The following CAMTA1 variants were observed in gnomAD, a reference collection of about 807,000 sequenced individuals.
CAMTA1 encodes the protein calmodulin binding transcription activator 1.
CAMTA1 carries 27 observed loss-of-function variants against 170.9 expected under a neutral mutation model. The observed-to-expected ratio is 0.16, with a 90% CI of 0.12 to 0.22. CAMTA1 has a LOEUF of 0.22. Among genes scored for constraint, CAMTA1 ranks in the 10% least tolerant of loss-of-function variants. The pLI is 1.00. For missense variants in CAMTA1, 1,619 were observed against 2,217.2 expected (o/e 0.73, Z 5.42); for synonymous variants, 833 against 891.5 (o/e 0.93, Z 1.17).
At position 7,663,576 on chromosome 1, in the gene CAMTA1, C is replaced by A. The variant is rs2095979472; in HGVS notation, c.1029C>A (p.Val343=). 6.2e-7 allele frequency: 1 copy of A among 1,613,698 alleles called. No individual in the cohort carries two copies. The highest frequency in any genetic ancestry group is 1.1e-5 in the South Asian group (1 of 91,086). The change falls in exon 9 of 23, where the codon GTC becomes GTA. Residue 343 remains valine (V), a synonymous_variant. Transcript: ENST00000303635. ...PVLLHQSSTE[V]SSTNQVEVPD... Reference sequence around the variant, plus strand: ...TCCTGCACCAGAGCAGCACCGAGGTCTCCTCCACCAACCAGGTGGAAGTCC... The same window carrying A: ...TCCTGCACCAGAGCAGCACCGAGGTATCCTCCACCAACCAGGTGGAAGTCC...
rs1272777166 is a variant in CAMTA1, at chr1:7,276,299, ATATATT to A, written c.438+26675_438+26680del. ...TGATCATATATATATATATATATATATATATTTTTTTTTTTTTTTTTTCTTTTTGAG... is the reference window on the plus strand; with the variant it reads ...TGATCATATATATATATATATATATATTTTTTTTTTTTTTTTCTTTTTGAG... On this transcript the variant is annotated intron_variant, in intron 5 of 22. Transcript: ENST00000303635. 7.0e-4 allele frequency among the ~76,000 whole-genome samples: 15 copies of A among 21,398 alleles called. 1 individual carries two copies. 14.0% of individuals were successfully genotyped at this position (21,398 alleles called of 152,430 possible). A position where few individuals can be genotyped will look rare whatever the true frequency, so the allele number is the denominator to read the frequency against.
intron 3 of CAMTA1, among the ~76,000 whole-genome samples, chr1:7,086,869 G>A (rs1640816065): frequency 6.6e-6 from 1 of 152,198 alleles, no homozygotes; most frequent in African/African-American, 2.4e-5. Flanking sequence ...CGATGCTACT[G>A]TGTGCATGTG....
chr1:7,319,985 G>A (rs967176008), intron 5 of CAMTA1, among the ~76,000 whole-genome samples: 2 of 152,100 alleles, frequency 1.3e-5, no homozygotes, highest in African/African-American at 4.8e-5. Context: ...TATTTACCCA[G>A]TCTAATAGCT....
chr1:7,539,452 T>G (rs944027899), intron 6 of CAMTA1, among the ~76,000 whole-genome samples: 2 of 152,236 alleles, frequency 1.3e-5, no homozygotes, highest in African/African-American at 4.8e-5. Context: ...GCCATGTGTT[T>G]CAAGAGAAAG....
At chr1:7,557,033 C>T (rs111991861) in intron 6 of CAMTA1, among the ~76,000 whole-genome samples, 2,751 of 152,144 alleles carry the variant, frequency 0.018, 44 homozygotes, top group Non-Finnish European at 0.031. Context: ...AACAGCCAGG[C>T]GCGGTGGCTC....
At chr1:6,843,830 T>G (rs979216231) in intron 3 of CAMTA1, among the ~76,000 whole-genome samples, 2 of 152,190 alleles carry the variant, frequency 1.3e-5, no homozygotes, top group Non-Finnish European at 2.9e-5. Flanking sequence ...CACAACAGCT[T>G]CAGTATAATT....
chr1:7,640,585 C>T (rs368952524), intron 7 of CAMTA1, 32 bp downstream of exon 7: 29 of 1,613,208 alleles, frequency 1.8e-5, no homozygotes, highest in African/African-American at 4.0e-5. Flanking sequence ...GGCGCCCCCA[C>T]GCTGGGAACC....
chr1:6,846,169 A>C (rs1658044679), intron 3 of CAMTA1, among the ~76,000 whole-genome samples: 1 of 152,238 alleles, frequency 6.6e-6, no homozygotes, highest in Admixed American at 6.5e-5. Flanking sequence ...ACACAGCCAA[A>C]CCATATAAGA....
At position 7,050,054 on chromosome 1, in the gene CAMTA1, T is replaced by C. The variant is rs1470392826; in HGVS notation, c.235-41250T>C. On this transcript the variant is annotated intron_variant, in intron 3 of 22. Coordinates refer to ENST00000303635, the MANE Select transcript of CAMTA1 (RefSeq NM_015215.4). This position sits in a 1 kb window ranked among gnomAD's most constrained non-coding sequence, Gnocchi z 4.8. The stretch of plus-strand genomic sequence containing the variant: ...GGCAAAGACGTTCCCAGGAGGGGAC[T>C]GCAAGCGCGGTGTCCTTGGGGCGGG... 6.6e-6 allele frequency among the ~76,000 whole-genome samples: 1 copy of C among 152,202 alleles called. No individual in the cohort carries two copies. The highest frequency in any genetic ancestry group is 1.5e-5 in the Non-Finnish European group (1 of 68,022).
intron 15 of CAMTA1, 94 bp downstream of exon 15, chr1:7,737,664 T>C (rs1348971927): frequency 1.7e-5 from 21 of 1,212,750 alleles, no homozygotes; most frequent in Non-Finnish European, 2.3e-5. Flanking sequence ...GATAGTCACA[T>C]ACATTTCAGT....
chr1:7,549,632 A>G (rs1312903214), intron 6 of CAMTA1, among the ~76,000 whole-genome samples: 1 of 152,144 alleles, frequency 6.6e-6, no homozygotes, highest in Non-Finnish European at 1.5e-5. Context: ...ATTTTTAAGG[A>G]CCCACTATCA....
At chr1:7,079,652 TA>T (rs1639761111) in intron 3 of CAMTA1, among the ~76,000 whole-genome samples, 1 of 151,282 alleles carries the variant, frequency 6.6e-6, no homozygotes, top group Non-Finnish European at 1.5e-5. Context: ...TTTTTTTTTT[TA>T]AGTAGAAATG....
chr1:7,472,078 G>T (rs1383514688), intron 6 of CAMTA1, among the ~76,000 whole-genome samples: 1 of 152,220 alleles, frequency 6.6e-6, no homozygotes, highest in Non-Finnish European at 1.5e-5. Context: ...GGCTGCCATT[G>T]CCAGGCCGGA....
intron 4 of CAMTA1, among the ~76,000 whole-genome samples, chr1:7,099,105 A>C (rs797013748): frequency 1.3e-5 from 2 of 152,066 alleles, no homozygotes; most frequent in East Asian, 3.9e-4. Context: ...CTGGAGTGCA[A>C]TCGTGTGATC....
chr1:7,427,728 T>C (rs1309529872), intron 5 of CAMTA1, among the ~76,000 whole-genome samples: 1 of 152,194 alleles, frequency 6.6e-6, no homozygotes, highest in East Asian at 1.9e-4. Context: ...GGATGGGCTG[T>C]CCTCTCCCTC....
chr1:6,931,117 G>T (rs1290550847), intron 3 of CAMTA1, among the ~76,000 whole-genome samples: 1 of 152,232 alleles, frequency 6.6e-6, no homozygotes, highest in African/African-American at 2.4e-5. Flanking sequence ...CATACCCCCA[G>T]TGGTTAACCT....
intron 4 of CAMTA1, among the ~76,000 whole-genome samples, chr1:7,104,040 C>G (rs1423525799): frequency 3.0e-5 from 1 of 33,666 alleles, no homozygotes; most frequent in Non-Finnish European, 5.7e-5. Context: ...CATATGCATA[C>G]AACACACACA....
At chr1:7,703,675 G>A (rs1053663817) in intron 11 of CAMTA1, among the ~76,000 whole-genome samples, 10 of 152,162 alleles carry the variant, frequency 6.6e-5, no homozygotes, top group African/African-American at 2.4e-4. Flanking sequence ...ACAGATAATT[G>A]ACTGTATCTA....
At chr1:7,083,459 C>T (rs112995788) in intron 3 of CAMTA1, among the ~76,000 whole-genome samples, 1 of 152,276 alleles carries the variant, frequency 6.6e-6, no homozygotes, top group Non-Finnish European at 1.5e-5. Context: ...CCGGGATATC[C>T]TGTGCAGGGT....
Sources: allele counts gnomAD v4.1 joint callset (sites outside exome capture counted in the v4.1 genomes callset), GRCh38; gene constraint gnomAD v4.1.1; non-coding constraint Gnocchi (gnomAD v3.1); transcripts MANE v1.5; gene names NCBI Gene and HGNC (gene_info 2026-07-23, HGNC 2026-07-21).